PDE4DIP: variants seen among roughly 807,000 people sequenced by gnomAD.
PDE4DIP encodes the protein phosphodiesterase 4D interacting protein.
Under a neutral mutation model 221.4 loss-of-function variants are expected in PDE4DIP, and 59 were observed. The ratio of observed to expected loss-of-function variants is 0.27; its 90% CI spans 0.22 to 0.33. PDE4DIP has a LOEUF of 0.33. Ranked by LOEUF, PDE4DIP falls within the 10% of genes least tolerant of loss-of-function variation. The probability of loss-of-function intolerance (pLI) is 1.00; values close to 1 mark genes in which losing one functional copy is unlikely to be tolerated. For synonymous variants in PDE4DIP, 404 were observed against 815.9 expected, an observed-to-expected ratio of 0.50 and a Z score of 8.60; for missense variants, 1,036 against 2,154.2, an observed-to-expected ratio of 0.48 and a Z score of 10.28.
intron 1 of PDE4DIP, among the ~76,000 whole-genome samples, chr1:148,923,920 T>G (rs2046092469): frequency 6.7e-6 from 1 of 149,570 alleles, no homozygotes; most frequent in Non-Finnish European, 1.5e-5. Flanking sequence ...ACAAAAAAGG[T>G]CCCCCAGTTA....
At chr1:148,877,167 G>T (rs1691787089) in intron 3 of PDE4DIP, among the ~76,000 whole-genome samples, 1 of 149,242 alleles carries the variant, frequency 6.7e-6, no homozygotes, top group South Asian at 2.1e-4. Flanking sequence ...ACTGACTTGG[G>T]AGGATGTCCA....
intron 1 of PDE4DIP, among the ~76,000 whole-genome samples, chr1:148,906,793 T>C (rs1454101155): frequency 7.7e-6 from 1 of 130,080 alleles, no homozygotes; most frequent in Non-Finnish European, 1.6e-5. Context: ...TAACTACTGC[T>C]GGGCCAGGCA....
At chr1:148,920,163 C>T (rs2045233677) in intron 1 of PDE4DIP, among the ~76,000 whole-genome samples, 6 of 147,168 alleles carry the variant, frequency 4.1e-5, no homozygotes, top group African/African-American at 1.6e-4. Context: ...GAGATGGAAT[C>T]TCACTCTTGC....
chr1:149,010,805 AC>A (rs1280804330), intron 31 of PDE4DIP, among the ~76,000 whole-genome samples: 1 of 150,958 alleles, frequency 6.6e-6, no homozygotes, highest in Non-Finnish European at 1.5e-5. Context: ...TGATCTGCAT[AC>A]CAGTTCTGAC....
At chr1:149,009,885 G>A (rs1201210547) in intron 30 of PDE4DIP, 94 bp downstream of exon 33, 11 of 968,854 alleles carry the variant, frequency 1.1e-5, no homozygotes, top group Non-Finnish European at 1.8e-5. Flanking sequence ...TGTGTATCAG[G>A]CTGAACATGG....
chr1:148,958,405 AC>A (rs1411530839), intron 5 of PDE4DIP, among the ~76,000 whole-genome samples: 1 of 152,110 alleles, frequency 6.6e-6, no homozygotes, highest in Non-Finnish European at 1.5e-5. Flanking sequence ...CTGTATGATT[AC>A]CTGTTAAAAA....
intron 1 of PDE4DIP, among the ~76,000 whole-genome samples, chr1:148,815,316 C>T (rs3933673): frequency 0.073 from 8,792 of 119,784 alleles, 6 homozygotes; most frequent in East Asian, 0.32. Context: ...TTTTGGAGGC[C>T]GAGGCACGCA....
chr1:148,866,500 C>T (rs1286188234), intron 2 of PDE4DIP: 2 of 9,450 alleles, frequency 2.1e-4, no homozygotes. Context: ...TCTTGGGCTC[C>T]TTCTGGCAAG....
chr1:149,025,483 G>T (rs587606201), intron 38 of PDE4DIP, among the ~76,000 whole-genome samples: 1 of 152,132 alleles, frequency 6.6e-6, no homozygotes, highest in Non-Finnish European at 1.5e-5. Flanking sequence ...TCAGATAGGC[G>T]TGTTTGACCA....
chr1:149,000,862 G>C (rs1214408904), intron 23 of PDE4DIP, among the ~76,000 whole-genome samples: 2 of 151,592 alleles, frequency 1.3e-5, no homozygotes, highest in African/African-American at 4.8e-5. Flanking sequence ...ACTTGTTACA[G>C]CCATGTTTGC....
intron 32 of PDE4DIP, among the ~76,000 whole-genome samples, chr1:149,014,340 T>G: frequency 2.9e-5 from 1 of 34,720 alleles, no homozygotes; most frequent in South Asian, 9.8e-4. Flanking sequence ...CAACAATTTT[T>G]TCCCTCTCTT....
rs186159889 is a variant in PDE4DIP, at chr1:148,905,082, C to G, written c.141+15188C>G. 1.8e-4 allele frequency among the ~76,000 whole-genome samples: 23 copies of G among 131,104 alleles called. No homozygotes were observed. The Admixed American group carries it at 1.8e-3, about 10-fold the overall frequency. 86.0% of individuals were successfully genotyped at this position (131,104 alleles called of 152,430 possible). On this transcript the variant is annotated intron_variant, in intron 1 of 43. Coordinates refer to ENST00000369354, the Ensembl canonical transcript of PDE4DIP. ...GTAATGTTTAAATTAGCATTTCAAT[C>G]TTGTTGCTTGTTATTGGTCTGTTCA...
intron 22 of PDE4DIP, among the ~76,000 whole-genome samples, chr1:148,997,367 C>T (rs1459284748): frequency 9.6e-5 from 14 of 146,276 alleles, no homozygotes; most frequent in African/African-American, 3.5e-4. Context: ...AGAGTGTCCT[C>T]AAGAAATAGA....
At chr1:148,827,915 T>C (rs1341669937) in intron 1 of PDE4DIP, among the ~76,000 whole-genome samples, 4 of 39,522 alleles carry the variant, frequency 1.0e-4, no homozygotes, top group Middle Eastern at 0.019. Context: ...TTATTATATA[T>C]GGCTTCAGGG....
intron 1 of PDE4DIP, among the ~76,000 whole-genome samples, chr1:148,925,735 T>C (rs587719159): frequency 8.0e-5 from 12 of 149,828 alleles, no homozygotes; most frequent in African/African-American, 2.9e-4. Context: ...ATCATGCACA[T>C]TGTCTCATTC....
chr1:148,918,622 TACA>T (rs1374756042), intron 1 of PDE4DIP, among the ~76,000 whole-genome samples: 1 of 92,240 alleles, frequency 1.1e-5, no homozygotes, highest in Non-Finnish European at 2.2e-5. Context: ...TCTCTCTCTC[TACA>T]CACACACACA....
rs1673879445 is a variant in PDE4DIP at position 148,837,731 on chromosome 1, A to G, written c.234-25519A>G. 1.6e-5 allele frequency among the ~76,000 whole-genome samples: 2 copies of G among 125,142 alleles called. 1 individual carries two copies. The highest frequency in any genetic ancestry group is 6.4e-5 in the African/African-American group (2 of 31,192). The allele number at this position is 125,142 out of a possible 152,430, so 82.1% of individuals were successfully genotyped here. On this transcript the variant is annotated intron_variant, in intron 1 of 45. Transcript: ENST00000524974. ...TCTAACTCAAATTCAGGTGATCATG[A>G]GGCTCCTGGCACTCAGCTCCTTGAG...
intron 1 of PDE4DIP, among the ~76,000 whole-genome samples, chr1:148,924,443 T>G: frequency 6.6e-6 from 1 of 152,032 alleles, no homozygotes; most frequent in South Asian, 2.1e-4. Flanking sequence ...AGGTTTTTTC[T>G]TTCTTTCCTT....
At chr1:148,952,349 A>C (rs1322628530) in intron 5 of PDE4DIP, 2 of 1,055,080 alleles carry the variant, frequency 1.9e-6, no homozygotes, top group African/African-American at 3.3e-5. Flanking sequence ...GCAGACGCGA[A>C]GCCGCTGGCG....
Sources: allele counts gnomAD v4.1 joint callset (sites outside exome capture counted in the v4.1 genomes callset), GRCh38; gene constraint gnomAD v4.1.1; transcripts MANE v1.5; gene names NCBI Gene and HGNC (gene_info 2026-07-23, HGNC 2026-07-21).